MCTP2: variants seen among roughly 807,000 people sequenced by gnomAD.
MCTP2 encodes multiple C2 and transmembrane domain-containing protein 2.
In MCTP2, 132 loss-of-function variants were observed where a neutral mutation model predicts 111.6. The ratio of observed to expected loss-of-function variants is 1.18; its 90% CI spans 1.03 to 1.37. The LOEUF (loss-of-function observed/expected upper bound fraction) is 1.37, where lower values mean the gene tolerates loss of function less well. MCTP2 is among the 40% of genes most tolerant of loss of function. The pLI is 0.00. For synonymous variants in MCTP2, 395 were observed against 387.7 expected (o/e 1.02, Z -0.22); for missense variants, 1,183 against 1,067.9 (o/e 1.11, Z -1.50).
intron 14 of MCTP2, among the ~76,000 whole-genome samples, chr15:94,387,121 T>TC (rs962156100): frequency 1.1e-4 from 16 of 143,180 alleles, no homozygotes; most frequent in African/African-American, 4.8e-4. Flanking sequence ...CCTCCCTTCC[T>TC]CCTTCCTCCT....
chr15:94,347,644 C>T (rs142054154), intron 8 of MCTP2, among the ~76,000 whole-genome samples: 115 of 152,144 alleles, frequency 7.6e-4, no homozygotes, highest in African/African-American at 2.7e-3. Context: ...GGGTTGAATT[C>T]GACACCTAGT....
At chr15:94,419,757 T>A (rs2082539892) in intron 17 of MCTP2, among the ~76,000 whole-genome samples, 1 of 46,140 alleles carries the variant, frequency 2.2e-5, no homozygotes, top group Non-Finnish European at 4.5e-5. Flanking sequence ...ATACTGCTTA[T>A]TTTTTTTTTT....
chr15:94,479,457 A>G lies in MCTP2; in HGVS notation c.*423A>G, dbSNP rs2074617162. ...CGCTCCCCAGCCCCACACTCCTTTC[A>G]GATTATCGTTCATGGGCGTAAGTCT... On this transcript the variant is annotated 3_prime_UTR_variant, in exon 23 of 23. Transcript: ENST00000357742. 1.1e-5 allele frequency: 2 copies of G among 185,818 alleles called. No individual in the cohort carries two copies. The highest frequency in any genetic ancestry group is 2.3e-5 in the African/African-American group (1 of 43,466). The allele number at this position is 185,818 out of a possible 1,614,324, so 11.5% of individuals were successfully genotyped here.
intron 1 of MCTP2, among the ~76,000 whole-genome samples, chr15:94,245,716 G>GTGTA (rs1555440223): frequency 1.9e-4 from 27 of 139,782 alleles, no homozygotes; most frequent in African/African-American, 4.8e-4. Context: ...GTGTGTGTGT[G>GTGTA]TATATATATA....
intron 4 of MCTP2, among the ~76,000 whole-genome samples, chr15:94,336,767 A>G (rs1249841151): frequency 2.0e-5 from 3 of 151,830 alleles, no homozygotes; most frequent in Non-Finnish European, 1.5e-5. Flanking sequence ...ACACATATAT[A>G]TGTATATATG....
At chr15:94,281,481 A>G (rs142947020) in intron 1 of MCTP2, among the ~76,000 whole-genome samples, 1 of 152,170 alleles carries the variant, frequency 6.6e-6, no homozygotes, top group Non-Finnish European at 1.5e-5. Flanking sequence ...CTTGAAGACA[A>G]CATGCAGTTG....
intron 19 of MCTP2, among the ~76,000 whole-genome samples, chr15:94,447,740 A>G (rs1254670225): frequency 6.6e-6 from 1 of 152,230 alleles, no homozygotes; most frequent in African/African-American, 2.4e-5. Context: ...TTTTTAAACT[A>G]TGACATAAGC....
At chr15:94,321,247 T>C (rs1281470037) in intron 4 of MCTP2, among the ~76,000 whole-genome samples, 1 of 152,088 alleles carries the variant, frequency 6.6e-6, no homozygotes, top group Admixed American at 6.5e-5. Context: ...AATGGCTCAG[T>C]AGGGTGACTA....
intron 21 of MCTP2, among the ~76,000 whole-genome samples, chr15:94,476,191 G>A (rs1053726411): frequency 1.3e-5 from 2 of 152,102 alleles, no homozygotes; most frequent in Non-Finnish European, 2.9e-5. Context: ...AACAACTCCC[G>A]CCCTCTACCT....
chr15:94,345,830 G>A (rs966186493), intron 8 of MCTP2, among the ~76,000 whole-genome samples: 2 of 152,114 alleles, frequency 1.3e-5, no homozygotes, highest in African/African-American at 4.8e-5. Flanking sequence ...TATAAATTAA[G>A]GAGAAATTAT....
chr15:94,398,277 A>G (rs1307913889), intron 14 of MCTP2, among the ~76,000 whole-genome samples: 5 of 152,190 alleles, frequency 3.3e-5, no homozygotes, highest in African/African-American at 4.8e-5. Flanking sequence ...AAGCACCATT[A>G]AAACCAGCTC....
chr15:94,454,008 G>C (rs1043697400), intron 19 of MCTP2, among the ~76,000 whole-genome samples: 2 of 152,104 alleles, frequency 1.3e-5, no homozygotes, highest in Admixed American at 6.5e-5. Context: ...TCCACTTCAA[G>C]ATTTCATCGT....
At chr15:94,339,067 A>G (rs2077505198) in intron 4 of MCTP2, among the ~76,000 whole-genome samples, 1 of 152,210 alleles carries the variant, frequency 6.6e-6, no homozygotes, top group Admixed American at 6.5e-5. Context: ...GAAAGAAAAT[A>G]AAAATTACTC....
At chr15:94,427,619 C>T (rs2152498829) in intron 17 of MCTP2, among the ~76,000 whole-genome samples, 1 of 152,246 alleles carries the variant, frequency 6.6e-6, no homozygotes, top group African/African-American at 2.4e-5. Context: ...AGGCCCCTCC[C>T]CCGACACGTG....
At chr15:94,303,118 T>TTATATATATAGTTTATATATA (rs1207524370) in intron 2 of MCTP2, among the ~76,000 whole-genome samples, 4 of 49,524 alleles carry the variant, frequency 8.1e-5, no homozygotes, top group African/African-American at 2.5e-4. Context: ...TATATATAGT[T>TTATATATATAGTTTATATATA]TATATATATA....
At chr15:94,335,673 A>G (rs1470914159) in intron 4 of MCTP2, among the ~76,000 whole-genome samples, 2 of 152,254 alleles carry the variant, frequency 1.3e-5, no homozygotes, top group Non-Finnish European at 2.9e-5. Context: ...GTACTAGTTA[A>G]TAAAATTGGA....
intron 1 of MCTP2, among the ~76,000 whole-genome samples, chr15:94,296,772 A>G (rs1389144109): frequency 6.6e-6 from 1 of 152,232 alleles, no homozygotes; most frequent in African/African-American, 2.4e-5. Flanking sequence ...TAAGTAGAAC[A>G]GAGTAAATCA....
chr15:94,430,559 C>T (rs1179187179), intron 17 of MCTP2, among the ~76,000 whole-genome samples: 1 of 139,994 alleles, frequency 7.1e-6, no homozygotes, highest in Non-Finnish European at 1.5e-5. Flanking sequence ...TGGTGAAACC[C>T]CTTCTCTACT....
intron 1 of MCTP2, among the ~76,000 whole-genome samples, chr15:94,283,524 G>A (rs1193914243): frequency 6.6e-6 from 1 of 152,142 alleles, no homozygotes; most frequent in Non-Finnish European, 1.5e-5. Context: ...GGATCTCAAA[G>A]GTCTATGGTG....
Sources: allele counts gnomAD v4.1 joint callset (sites outside exome capture counted in the v4.1 genomes callset), GRCh38; gene constraint gnomAD v4.1.1; transcripts MANE v1.5; gene names NCBI Gene and HGNC (gene_info 2026-07-23, HGNC 2026-07-21).